Variants in CARD8 observed in about 807,000 individuals in gnomAD.
CARD8 encodes caspase recruitment domain family member 8.
Under a neutral mutation model 53.2 loss-of-function variants are expected in CARD8, and 38 were observed. That is an observed-to-expected ratio of 0.71 (90% CI 0.55 to 0.94). The LOEUF (loss-of-function observed/expected upper bound fraction) is 0.94, where lower values mean the gene tolerates loss of function less well. Among genes scored for constraint, CARD8 ranks in the 40% least tolerant of loss-of-function variants. The pLI, the probability that CARD8 is intolerant of heterozygous loss-of-function variation, is 0.00. For synonymous variants in CARD8, 245 were observed against 244.9 expected, an observed-to-expected ratio of 1.00 and a Z score of 0.00; for missense variants, 561 against 655.5, an observed-to-expected ratio of 0.86 and a Z score of 1.57.
chr19:48,212,537 A>C (rs2038221544), intron 13 of CARD8, among the ~76,000 whole-genome samples: 1 of 152,250 alleles, frequency 6.6e-6, no homozygotes, highest in Non-Finnish European at 1.5e-5. Flanking sequence ...ATGTCTGTAT[A>C]AACTTGGCCA....
At chr19:48,219,707 A>G (rs919228585) in intron 11 of CARD8, among the ~76,000 whole-genome samples, 2 of 152,148 alleles carry the variant, frequency 1.3e-5, no homozygotes, top group Admixed American at 6.5e-5. Flanking sequence ...GCGGTGACTC[A>G]CACCTGTAGT....
chr19:48,249,026 G>A (rs1341984518), intron 3 of CARD8, among the ~76,000 whole-genome samples: 2 of 152,072 alleles, frequency 1.3e-5, no homozygotes, highest in African/African-American at 2.4e-5. Context: ...GTGAAACTCC[G>A]TCTCTACTAA....
At chr19:48,242,592 T>A in intron 3 of CARD8, 1 of 152,222 alleles carries the variant, frequency 6.6e-6, no homozygotes, top group Non-Finnish European at 1.5e-5. Flanking sequence ...ACATCACATA[T>A]TCTCTTATCC....
chr19:48,217,800 CAGG>C (rs1238315847), intron 12 of CARD8, among the ~76,000 whole-genome samples: 1 of 152,154 alleles, frequency 6.6e-6, no homozygotes, highest in African/African-American at 2.4e-5. Flanking sequence ...AAGGAACTAT[CAGG>C]AGATCTTTGG....
chr19:48,207,922 G>T (rs2037470187), downstream of CARD8, among the ~76,000 whole-genome samples: 1 of 151,356 alleles, frequency 6.6e-6, no homozygotes, highest in Non-Finnish European at 1.5e-5. Context: ...TTTTAGTAGA[G>T]ACGGGGTTTC....
In CARD8 at chr19:48,241,066, G is replaced by GA; in HGVS notation, c.-43-4dup. ...GTCTTTACTGTATCTTTTTTACCCT[G>GA]AAAAAATAAAAGGAGGTTGTATTTA... On this transcript the variant is annotated splice_region_variant and splice_polypyrimidine_tract_variant and intron_variant, in intron 3 of 13. Coordinates refer to ENST00000651546, the MANE Select transcript of CARD8 (RefSeq NM_001184900.3). 1 of 1,446,640 alleles carries GA rather than the reference G, an allele frequency of 6.9e-7. No individual in the cohort carries two copies. The highest frequency in any genetic ancestry group is 1.2e-5 in the South Asian group (1 of 81,476). The allele number at this position is 1,446,640 out of a possible 1,614,324, so 89.6% of individuals were successfully genotyped here.
At chr19:48,237,135 G>A in intron 5 of CARD8, among the ~76,000 whole-genome samples, 1 of 152,032 alleles carries the variant, frequency 6.6e-6, no homozygotes, top group Non-Finnish European at 1.5e-5. Context: ...AATTTACAAA[G>A]AAAAGAGGTT....
chr19:48,253,800 A>G (rs1291324590), intron 1 of CARD8, among the ~76,000 whole-genome samples: 3 of 152,246 alleles, frequency 2.0e-5, no homozygotes, highest in African/African-American at 7.2e-5. Flanking sequence ...GTAGAATGAT[A>G]AACAGATATA....
At chr19:48,219,375 C>G (rs2040026784) in intron 11 of CARD8, among the ~76,000 whole-genome samples, 1 of 152,106 alleles carries the variant, frequency 6.6e-6, no homozygotes, top group South Asian at 2.1e-4. Context: ...GCAGCCCCAT[C>G]AGGTCTCTCT....
chr19:48,228,596 T>C (rs1470578576), intron 10 of CARD8, among the ~76,000 whole-genome samples: 1 of 152,292 alleles, frequency 6.6e-6, no homozygotes, highest in East Asian at 1.9e-4. Flanking sequence ...TTCGGGTACA[T>C]GGAGCTGTTG....
intron 13 of CARD8, among the ~76,000 whole-genome samples, chr19:48,213,357 C>G (rs1049361838): frequency 1.5e-4 from 23 of 151,836 alleles, no homozygotes; most frequent in African/African-American, 4.8e-4. Flanking sequence ...AGTGTTAACT[C>G]TATTTTATTT....
chr19:48,227,229 T>C (rs778031906), intron 10 of CARD8, among the ~76,000 whole-genome samples: 2 of 152,128 alleles, frequency 1.3e-5, no homozygotes, highest in Admixed American at 6.5e-5. Flanking sequence ...AGGGAGAAAG[T>C]TGAGTCAATA....
chr19:48,250,423 TTTTTCA>T (rs1427191706), intron 1 of CARD8, among the ~76,000 whole-genome samples: 1 of 152,182 alleles, frequency 6.6e-6, no homozygotes, highest in African/African-American at 2.4e-5. Flanking sequence ...TTGTAGAGTC[TTTTTCA>T]TTTTCAAGCA....
At chr19:48,218,372 TTTC>T (rs1263394399) in intron 12 of CARD8, among the ~76,000 whole-genome samples, 57,233 of 123,878 alleles carry the variant, frequency 0.46, 13,517 homozygotes, top group South Asian at 0.6. Flanking sequence ...TTTTTTTTTT[TTTC>T]AGATGGAGTT....
At chr19:48,240,790 C>T (rs866000415) in intron 4 of CARD8, among the ~76,000 whole-genome samples, 172 bp downstream of exon 4, 35 of 151,632 alleles carry the variant, frequency 2.3e-4, no homozygotes, top group African/African-American at 8.5e-4. Context: ...AAAAGTACAC[C>T]TGGGTGCCCA....
Position 48,210,710 on chromosome 19 carries a change from TA to T in CARD8, c.*999del, listed in dbSNP as rs1291809895. The T allele has an allele frequency of 2.0e-5, 3 of 152,178 alleles. No individual in the cohort carries two copies. Among genetic ancestry groups the T allele is most frequent in the African/African-American group, 7.2e-5 (3 of 41,448 alleles). The allele number at this position is 152,178 out of a possible 1,614,324, so 9.4% of individuals were successfully genotyped here. On this transcript the variant is annotated 3_prime_UTR_variant, in exon 14 of 14. Transcript: ENST00000651546. ...ATATTAATAATTACATTAACGTAAGTAATTGAAATCTTCCAGTTAAAAGAGA... is the reference window on the plus strand; with the variant it reads ...ATATTAATAATTACATTAACGTAAGTATTGAAATCTTCCAGTTAAAAGAGA...
chr19:48,231,097 G>C (rs2042797597), intron 8 of CARD8, 91 bp from the exon 9 acceptor site: 1 of 1,085,122 alleles, frequency 9.2e-7, no homozygotes, highest in Admixed American at 2.0e-5. Flanking sequence ...TTTGAAGTGA[G>C]GCAAGGTTCA....
chr19:48,244,222 G>A (rs2045721900), intron 3 of CARD8, among the ~76,000 whole-genome samples: 2 of 151,998 alleles, frequency 1.3e-5, no homozygotes, highest in African/African-American at 4.8e-5. Context: ...AATTCTACCT[G>A]GTACTTCTGA....
chr19:48,220,462 C>T (rs901718064), intron 11 of CARD8, among the ~76,000 whole-genome samples: 1 of 152,128 alleles, frequency 6.6e-6, no homozygotes, highest in Non-Finnish European at 1.5e-5. Context: ...AACATTGGTC[C>T]GTCCCATTCT....
Sources: gnomAD v4.1 joint callset for allele counts (sites outside exome capture counted in the v4.1 genomes callset) on GRCh38, gnomAD v4.1.1 for gene constraint, MANE v1.5 for transcripts, NCBI Gene and HGNC (gene_info 2026-07-23, HGNC 2026-07-21) for gene names.